Variants in ZNF827 observed in about 807,000 individuals in gnomAD.
ZNF827 encodes zinc finger protein 827.
In ZNF827, 13 loss-of-function variants were observed where a neutral mutation model predicts 102.4. The observed-to-expected ratio is 0.13, with a 90% CI of 0.08 to 0.20. The LOEUF is 0.20. ZNF827 is among the 10% of genes least tolerant of loss of function. The pLI is 1.00. For missense variants in ZNF827, 1,103 were observed against 1,344.4 expected (o/e 0.82, Z 2.81); for synonymous variants, 523 against 536.2 (o/e 0.98, Z 0.34).
intron 4 of ZNF827, among the ~76,000 whole-genome samples, chr4:145,871,734 C>T (rs1192412533): frequency 1.3e-5 from 2 of 152,146 alleles, no homozygotes; most frequent in African/African-American, 4.8e-5. Context: ...CTACTCCAAG[C>T]CAATACTCAA....
At chr4:145,769,886 A>T (rs1241449696) in intron 11 of ZNF827, among the ~76,000 whole-genome samples, 1 of 152,226 alleles carries the variant, frequency 6.6e-6, no homozygotes, top group African/African-American at 2.4e-5. Flanking sequence ...CCATAAAAAA[A>T]ATTACCAATC....
intron 1 of ZNF827, among the ~76,000 whole-genome samples, chr4:145,923,768 G>A (rs570402867): frequency 1.1e-3 from 160 of 152,240 alleles, no homozygotes; most frequent in African/African-American, 3.7e-3. Flanking sequence ...AACATGTAAT[G>A]GGTTAGAATC....
chr4:145,803,102 A>C (rs1329753444), intron 8 of ZNF827, among the ~76,000 whole-genome samples: 1 of 151,574 alleles, frequency 6.6e-6, no homozygotes, highest in Non-Finnish European at 1.5e-5. Flanking sequence ...TCACTTATCT[A>C]CTTTACCTAA....
chr4:145,774,004 G>C (rs1349274070), intron 11 of ZNF827, among the ~76,000 whole-genome samples: 2 of 152,174 alleles, frequency 1.3e-5, no homozygotes, highest in African/African-American at 2.4e-5. Flanking sequence ...AGTAGTCACT[G>C]AAACTAGTGA....
intron 1 of ZNF827, among the ~76,000 whole-genome samples, chr4:145,911,580 G>A (rs941684985): frequency 5.3e-5 from 8 of 152,116 alleles, no homozygotes; most frequent in Non-Finnish European, 1.0e-4. Context: ...TAATCTGTAC[G>A]ATATCAAAAA....
At chr4:145,804,239 G>A (rs777630091) in intron 8 of ZNF827, among the ~76,000 whole-genome samples, 16 of 152,188 alleles carry the variant, frequency 1.1e-4, no homozygotes, top group Admixed American at 2.0e-4. Context: ...GAATTTTGAA[G>A]CTTGCATCAT....
intron 9 of ZNF827, among the ~76,000 whole-genome samples, chr4:145,776,326 T>C (rs1737076826): frequency 6.6e-6 from 1 of 151,956 alleles, no homozygotes. Context: ...TCAGGTGTGG[T>C]GGCACGTGCC....
chr4:145,906,434 T>A (rs1175986289), intron 1 of ZNF827, among the ~76,000 whole-genome samples: 1 of 152,142 alleles, frequency 6.6e-6, no homozygotes, highest in Non-Finnish European at 1.5e-5. Context: ...TTTGTTGGAG[T>A]CGGTCAAAAG....
intron 8 of ZNF827, among the ~76,000 whole-genome samples, chr4:145,818,073 A>C (rs1185809531): frequency 6.6e-6 from 1 of 152,270 alleles, no homozygotes; most frequent in East Asian, 1.9e-4. Flanking sequence ...GTAAGTAATT[A>C]TAAATTATTT....
chr4:145,849,592 ACAC>A, intron 5 of ZNF827, 31 bp from the exon 6 acceptor site: 1 of 1,610,578 alleles, frequency 6.2e-7, no homozygotes, highest in Non-Finnish European at 8.5e-7. Context: ...AGAAACAAAA[ACAC>A]CACCATTTCT....
intron 13 of ZNF827, 162 bp downstream of exon 13, chr4:145,764,825 AT>A: frequency 1.1e-6 from 1 of 911,800 alleles, no homozygotes; most frequent in Non-Finnish European, 1.7e-6. Flanking sequence ...GACAGGTCTA[AT>A]TCAATCCAGC....
chr4:145,779,657 T>C, intron 8 of ZNF827, 146 bp from the exon 9 acceptor site: 1 of 1,150,288 alleles, frequency 8.7e-7, no homozygotes, highest in Non-Finnish European at 1.2e-6. Context: ...GTTTTCCTGC[T>C]CATTTCCTGT....
intron 5 of ZNF827, among the ~76,000 whole-genome samples, chr4:145,867,109 C>T (rs1036988595): frequency 1.3e-5 from 2 of 152,212 alleles, no homozygotes; most frequent in African/African-American, 4.8e-5. Context: ...ATTTTGGCTG[C>T]CTTGTGTCAC....
intron 4 of ZNF827, among the ~76,000 whole-genome samples, chr4:145,881,019 A>G (rs1749615680): frequency 6.6e-6 from 1 of 152,258 alleles, no homozygotes. Flanking sequence ...CTTCTCCAGC[A>G]GCACAAACAA....
At chr4:145,844,205 T>G (rs1225412898) in intron 7 of ZNF827, among the ~76,000 whole-genome samples, 2 of 152,056 alleles carry the variant, frequency 1.3e-5, no homozygotes, top group Non-Finnish European at 1.5e-5. Context: ...CATCTTCTAT[T>G]TGGGCATCAA....
intron 8 of ZNF827, among the ~76,000 whole-genome samples, chr4:145,821,329 A>T (rs1743126647): frequency 6.6e-6 from 1 of 152,220 alleles, no homozygotes; most frequent in Non-Finnish European, 1.5e-5. Context: ...ATGGCCATTT[A>T]TCACTGTCCA....
chr4:145,887,244 G>A (rs540633145), intron 3 of ZNF827, among the ~76,000 whole-genome samples: 2 of 152,018 alleles, frequency 1.3e-5, no homozygotes, highest in East Asian at 3.9e-4. Flanking sequence ...AGCAGGACTC[G>A]AACCCAGGTC....
intron 11 of ZNF827, among the ~76,000 whole-genome samples, chr4:145,766,116 C>A (rs950835515): frequency 6.6e-6 from 1 of 152,272 alleles, no homozygotes; most frequent in South Asian, 2.1e-4. Context: ...CCCCATTTTA[C>A]GATGAGGGAA....
intron 1 of ZNF827, among the ~76,000 whole-genome samples, chr4:145,931,987 C>T (rs1487446129): frequency 2.6e-5 from 4 of 152,100 alleles, no homozygotes; most frequent in African/African-American, 4.8e-5. Context: ...GTGACTAGAT[C>T]GTGAGGGTAG....
Sources: gnomAD v4.1 joint callset for allele counts (sites outside exome capture counted in the v4.1 genomes callset) on GRCh38, gnomAD v4.1.1 for gene constraint, MANE v1.5 for transcripts, NCBI Gene and HGNC (gene_info 2026-07-23, HGNC 2026-07-21) for gene names.